The following ZNF704 variants were observed in gnomAD, a reference collection of about 807,000 sequenced individuals.
ZNF704 encodes glucocorticoid induced gene 1.
ZNF704 carries 10 observed loss-of-function variants against 44.7 expected under a neutral mutation model. That is an observed-to-expected ratio of 0.22 (90% CI 0.14 to 0.38). The LOEUF is 0.38. Among genes scored for constraint, ZNF704 ranks in the 10% least tolerant of loss-of-function variants. ZNF704 has a pLI of 1.00. For missense variants in ZNF704, 390 were observed against 545.5 expected (o/e 0.71, Z 2.84); for synonymous variants, 211 against 207.6 (o/e 1.02, Z -0.14).
intron 1 of ZNF704, among the ~76,000 whole-genome samples, chr8:80,843,943 GTATGTATATATA>G (rs1563574096): frequency 8.9e-5 from 13 of 146,786 alleles, no homozygotes; most frequent in Non-Finnish European, 1.4e-4. Context: ...ATATATATGT[GTATGTATATATA>G]TGTGTATATA....
At chr8:80,821,320 T>C in intron 2 of ZNF704, 54 bp downstream of exon 2, 6 of 1,538,356 alleles carry the variant, frequency 3.9e-6, no homozygotes, top group Non-Finnish European at 4.5e-6. Context: ...AGATTATGCA[T>C]GCTCTCCACC....
intron 5 of ZNF704, among the ~76,000 whole-genome samples, chr8:80,666,315 T>C (rs1355538699): frequency 2.0e-5 from 3 of 151,620 alleles, no homozygotes; most frequent in African/African-American, 7.3e-5. Context: ...TATGGCTGCA[T>C]AGTATTCCAT....
intron 2 of ZNF704, among the ~76,000 whole-genome samples, chr8:80,707,908 A>T (rs2131653765): frequency 6.6e-6 from 1 of 152,364 alleles, no homozygotes; most frequent in East Asian, 1.9e-4. Flanking sequence ...AAAGCTTGTC[A>T]GTGCTCTTCA....
At chr8:80,740,316 C>T (rs942659073) in intron 2 of ZNF704, among the ~76,000 whole-genome samples, 3 of 152,134 alleles carry the variant, frequency 2.0e-5, no homozygotes, top group Non-Finnish European at 4.4e-5. Flanking sequence ...AGGAATTAAT[C>T]CATCCTGAAG....
Position 80,635,380 on chromosome 8 carries a change from TTTTTG to T in ZNF704, c.*5981_*5985del, listed in dbSNP as rs1238489697. The stretch of plus-strand genomic sequence containing the variant: ...ACAGTGAAAAATCAAGCACTTGTTC[TTTTTG>T]TTTTGTTTTTTTATTTTCCTTTTTT... On this transcript the variant is annotated 3_prime_UTR_variant, in exon 9 of 9. Transcript: ENST00000327835. 1.3e-5 allele frequency: 2 copies of T among 152,226 alleles called. No individual in the cohort carries two copies. The highest frequency in any genetic ancestry group is 1.9e-4 in the East Asian group (1 of 5,204). The allele number at this position is 152,226 out of a possible 1,614,324, so 9.4% of individuals were successfully genotyped here.
At chr8:80,841,226 C>T (rs1252420846) in intron 1 of ZNF704, among the ~76,000 whole-genome samples, 1 of 152,206 alleles carries the variant, frequency 6.6e-6, no homozygotes, top group Non-Finnish European at 1.5e-5. Context: ...CTTCTTGTCA[C>T]ACGCATCATA....
intron 1 of ZNF704, among the ~76,000 whole-genome samples, chr8:80,869,893 C>G (rs1027610522): frequency 6.6e-6 from 1 of 152,154 alleles, no homozygotes; most frequent in African/African-American, 2.4e-5. Context: ...TGACAAAAAA[C>G]AGCAGTAAGT....
At chr8:80,691,752 C>A (rs967481185) in intron 3 of ZNF704, among the ~76,000 whole-genome samples, 2 of 152,192 alleles carry the variant, frequency 1.3e-5, no homozygotes, top group African/African-American at 4.8e-5. Flanking sequence ...CTTGAATGAT[C>A]CTCAGGCACT....
intron 2 of ZNF704, among the ~76,000 whole-genome samples, chr8:80,693,395 T>C (rs913104560): frequency 1.3e-5 from 2 of 152,122 alleles, no homozygotes; most frequent in South Asian, 2.1e-4. Flanking sequence ...ACGAGTGATA[T>C]GAGGTGAACA....
intron 2 of ZNF704, among the ~76,000 whole-genome samples, chr8:80,732,379 T>C (rs1358066306): frequency 1.3e-5 from 2 of 152,232 alleles, no homozygotes; most frequent in Non-Finnish European, 2.9e-5. Context: ...ATTATCTGTG[T>C]GACTAATAGA....
In ZNF704 at chr8:80,643,133, G is replaced by C. The variant is rs746376204; in HGVS notation, c.1033-4C>G. ...CCGGATGATGTGTGGGTGACACCTG[G>C]TGAATACATGGAAAAGAAAGTTGAT... On this transcript the variant is annotated splice_polypyrimidine_tract_variant and splice_region_variant and intron_variant, in intron 7 of 8. Coordinates refer to ENST00000327835, the MANE Select transcript of ZNF704 (RefSeq NM_001033723.3). The C allele has an allele frequency of 2.5e-6, 4 of 1,597,086 alleles. No homozygotes were observed. The highest frequency in any genetic ancestry group is 1.7e-4 in the Middle Eastern group (1 of 6,032).
At chr8:80,850,304 C>T (rs1326019566) in intron 1 of ZNF704, among the ~76,000 whole-genome samples, 1 of 152,048 alleles carries the variant, frequency 6.6e-6, no homozygotes, top group East Asian at 1.9e-4. Context: ...AATCGACTAT[C>T]ATAATCTTTC....
chr8:80,869,797 G>GC (rs1453421091), intron 1 of ZNF704, among the ~76,000 whole-genome samples: 1 of 152,204 alleles, frequency 6.6e-6, no homozygotes, highest in Non-Finnish European at 1.5e-5. Context: ...ATTGCATTAT[G>GC]CAAGGCTCCA....
chr8:80,727,464 A>G (rs1806504055), intron 2 of ZNF704, among the ~76,000 whole-genome samples: 1 of 152,186 alleles, frequency 6.6e-6, no homozygotes, highest in Non-Finnish European at 1.5e-5. Flanking sequence ...AAATAATACA[A>G]AATAACCAAA....
intron 1 of ZNF704, among the ~76,000 whole-genome samples, chr8:80,868,206 G>C (rs1162503696): frequency 6.6e-6 from 1 of 152,188 alleles, no homozygotes; most frequent in African/African-American, 2.4e-5. Flanking sequence ...CCAGGGGTTA[G>C]TTGGTGGTAG....
rs369052844 is a variant in ZNF704, at chr8:80,736,046, T to C, written c.222-42939A>G. Among the ~76,000 whole-genome samples, 88 of 152,332 alleles carry C rather than the reference T, an allele frequency of 5.8e-4. No homozygotes were observed. The East Asian group carries it at 0.013, about 22-fold the overall frequency. ...GCTTCCTGCCATAAGGTCTATAGAA[T>C]TGTCCTGTGGTTTCTGCCTGTCAAG... On this transcript the variant is annotated intron_variant, in intron 2 of 8. Transcript: ENST00000327835.
intron 2 of ZNF704, among the ~76,000 whole-genome samples, chr8:80,698,045 G>GA (rs1168830502): frequency 6.6e-6 from 1 of 152,180 alleles, no homozygotes; most frequent in Non-Finnish European, 1.5e-5. Context: ...TCCACAAATA[G>GA]AAAAGCCTAG....
chr8:80,739,713 A>G (rs1806723904), intron 2 of ZNF704, among the ~76,000 whole-genome samples: 1 of 152,126 alleles, frequency 6.6e-6, no homozygotes, highest in Admixed American at 6.5e-5. Flanking sequence ...AATGACTCCT[A>G]TTAGGCTCTG....
chr8:80,685,539 C>T (rs1326994312), intron 4 of ZNF704, among the ~76,000 whole-genome samples: 2 of 152,146 alleles, frequency 1.3e-5, no homozygotes, highest in African/African-American at 4.8e-5. Flanking sequence ...CCTGCAGGTA[C>T]CCACTGATAC....
Sources: allele counts gnomAD v4.1 joint callset (sites outside exome capture counted in the v4.1 genomes callset), GRCh38; gene constraint gnomAD v4.1.1; transcripts MANE v1.5; gene names NCBI Gene and HGNC (gene_info 2026-07-23, HGNC 2026-07-21).